Variants in STK3 observed in about 807,000 individuals in gnomAD.
STK3 encodes the protein serine/threonine-protein kinase 3.
A neutral mutation model predicts 58.0 loss-of-function variants in STK3; 41 were observed. That is an observed-to-expected ratio of 0.71 (90% CI 0.55 to 0.92). STK3 has a LOEUF of 0.92. STK3 is among the 40% of genes least tolerant of loss of function. STK3 has a pLI of 0.00. For missense variants in STK3, 479 were observed against 602.7 expected (o/e 0.79, Z 2.15); for synonymous variants, 170 against 191.0 (o/e 0.89, Z 0.91).
intron 6 of STK3, among the ~76,000 whole-genome samples, chr8:98,606,589 T>A (rs1201355245): frequency 6.6e-6 from 1 of 152,172 alleles, no homozygotes; most frequent in Non-Finnish European, 1.5e-5. Context: ...CTCTGGTGAG[T>A]GGATACTAAA....
intron 3 of STK3, among the ~76,000 whole-genome samples, chr8:98,840,790 A>G (rs1183942731): frequency 6.6e-6 from 1 of 151,982 alleles, no homozygotes; most frequent in African/African-American, 2.4e-5. Flanking sequence ...GGTGCAACTT[A>G]TCAGGACCCT....
chr8:98,370,617 T>TCAG (rs914792684), downstream of STK3, among the ~76,000 whole-genome samples: 1 of 152,130 alleles, frequency 6.6e-6, no homozygotes, highest in African/African-American at 2.4e-5. Flanking sequence ...CAGTGGGGTG[T>TCAG]CAGCACAAAT....
chr8:98,710,780 T>C (rs1164730781), intron 4 of STK3, among the ~76,000 whole-genome samples: 1 of 152,162 alleles, frequency 6.6e-6, no homozygotes, highest in African/African-American at 2.4e-5. Context: ...CTGACATCTT[T>C]GAAGAGAGTA....
rs56187203 is a variant in STK3 at position 98,915,432 on chromosome 8, CTATATATA to C, written c.-79+26938_-79+26945del. On this transcript the variant is annotated intron_variant, in intron 1 of 1. Coordinates refer to the STK3 transcript ENST00000519420. ...GTGAGTTAATACTTAATAAACTTTC[CTATATATA>C]TATATATATATATATATATATATAT... Among the ~76,000 whole-genome samples, 455 of 94,742 alleles carry C rather than the reference CTATATATA, an allele frequency of 4.8e-3. 16 individuals are homozygous for C. The highest frequency in any genetic ancestry group is 0.02 in the African/African-American group (352 of 17,872). The allele number at this position is 94,742 out of a possible 152,430, so 62.2% of individuals were successfully genotyped here. A position where few individuals can be genotyped will look rare whatever the true frequency, so the allele number is the denominator to read the frequency against.
intron 7 of STK3, among the ~76,000 whole-genome samples, chr8:98,583,960 A>G (rs1430056715): frequency 6.6e-6 from 1 of 152,122 alleles, no homozygotes; most frequent in Non-Finnish European, 1.5e-5. Flanking sequence ...TTTGTATTTT[A>G]GTTTTTAATT....
upstream of STK3, among the ~76,000 whole-genome samples, chr8:98,390,103 A>G (rs1452162064): frequency 6.6e-6 from 1 of 152,196 alleles, no homozygotes; most frequent in African/African-American, 2.4e-5. Flanking sequence ...CCAGTCATTT[A>G]CCATTTCTGT....
At chr8:98,430,301 C>T (rs770157122) in intron 3 of STK3, 1 of 166,998 alleles carries the variant, frequency 6.0e-6, no homozygotes, top group Non-Finnish European at 1.5e-5. Flanking sequence ...CTGATCTAGG[C>T]CATTTGACCA....
At chr8:98,846,720 T>C (rs976135128) in intron 3 of STK3, among the ~76,000 whole-genome samples, 2 of 152,084 alleles carry the variant, frequency 1.3e-5, no homozygotes, top group African/African-American at 4.8e-5. Context: ...ATATGATGTA[T>C]CCAAGACCAA....
At chr8:98,627,374 C>T (rs1205050167) in intron 6 of STK3, among the ~76,000 whole-genome samples, 4 of 151,352 alleles carry the variant, frequency 2.6e-5, no homozygotes, top group East Asian at 2.0e-4. Context: ...ATTAGCCAAG[C>T]GTGGTGGCAT....
intron 1 of STK3, among the ~76,000 whole-genome samples, chr8:98,902,727 C>T (rs1370971642): frequency 6.6e-6 from 1 of 152,210 alleles, no homozygotes; most frequent in Non-Finnish European, 1.5e-5. Flanking sequence ...CTATCCTACA[C>T]AAAAATACTT....
At chr8:98,650,913 G>C (rs955431139) in intron 6 of STK3, among the ~76,000 whole-genome samples, 2 of 152,216 alleles carry the variant, frequency 1.3e-5, no homozygotes, top group Admixed American at 6.5e-5. Context: ...TGGAGGAAGG[G>C]CACAGACAAA....
At chr8:98,616,966 T>C (rs1219156088) in intron 6 of STK3, among the ~76,000 whole-genome samples, 2 of 152,134 alleles carry the variant, frequency 1.3e-5, no homozygotes, top group Non-Finnish European at 2.9e-5. Context: ...GCGGACCTAA[T>C]AGACATCTAC....
chr8:98,490,958 T>C (rs1453025624), intron 10 of STK3, among the ~76,000 whole-genome samples: 1 of 152,210 alleles, frequency 6.6e-6, no homozygotes, highest in Non-Finnish European at 1.5e-5. Context: ...ACTACTGGGT[T>C]AGACAGTAAT....
At chr8:98,708,644 A>G (rs943373460) in intron 4 of STK3, among the ~76,000 whole-genome samples, 2 of 152,198 alleles carry the variant, frequency 1.3e-5, no homozygotes, top group African/African-American at 4.8e-5. Flanking sequence ...ATGTGCTAAG[A>G]GTTATGCATG....
At chr8:98,509,549 CT>C (rs1205278578) in intron 10 of STK3, among the ~76,000 whole-genome samples, 1 of 151,880 alleles carries the variant, frequency 6.6e-6, no homozygotes, top group African/African-American at 2.4e-5. Flanking sequence ...TAAATTTTTA[CT>C]TGAAAGAATC....
chr8:98,709,409 T>A (rs1826219990), intron 4 of STK3, among the ~76,000 whole-genome samples: 1 of 152,160 alleles, frequency 6.6e-6, no homozygotes, highest in Non-Finnish European at 1.5e-5. Context: ...ACTTCTCAAA[T>A]TTTCTAAAAC....
chr8:98,484,927 C>A (rs1428172419), intron 10 of STK3, among the ~76,000 whole-genome samples: 1 of 152,094 alleles, frequency 6.6e-6, no homozygotes, highest in Non-Finnish European at 1.5e-5. Flanking sequence ...AAGTAAACTT[C>A]ATCATTTGAT....
At chr8:98,408,530 G>A (rs1470900335) in intron 3 of STK3, among the ~76,000 whole-genome samples, 1 of 152,218 alleles carries the variant, frequency 6.6e-6, no homozygotes, top group Non-Finnish European at 1.5e-5. Context: ...AATTTTGGTT[G>A]ACTCAAACGC....
chr8:98,562,737 G>GAAAAAAAAAAAAAA lies in STK3; in HGVS notation c.949-14590_949-14577dup, dbSNP rs778049177. On this transcript the variant is annotated intron_variant, in intron 8 of 10. Transcript: ENST00000419617. Reference sequence around the variant, plus strand: ...TAAGACTCCCATCTCCACAAAAAATGAAAAAAAAAAAAAAAAAAAAAAAAA... The same window carrying GAAAAAAAAAAAAAA: ...TAAGACTCCCATCTCCACAAAAAATGAAAAAAAAAAAAAAAAAAAAAAAAAAAAAAAAAAAAAAA... Among the ~76,000 whole-genome samples the GAAAAAAAAAAAAAA allele has an allele frequency of 1.1e-4, 2 of 17,406 alleles. 1 individual carries two copies. Among genetic ancestry groups the GAAAAAAAAAAAAAA allele is most frequent in the African/African-American group, 5.8e-4 (2 of 3,430 alleles). The allele number at this position is 17,406 out of a possible 152,430, so 11.4% of individuals were successfully genotyped here.
Sources: gnomAD v4.1 joint callset for allele counts (sites outside exome capture counted in the v4.1 genomes callset) on GRCh38, gnomAD v4.1.1 for gene constraint, MANE v1.5 for transcripts, NCBI Gene and HGNC (gene_info 2026-07-23, HGNC 2026-07-21) for gene names.